SEPTIN9: variants seen among roughly 807,000 people sequenced by gnomAD.
SEPTIN9 encodes septin-9.
A neutral mutation model predicts 56.6 loss-of-function variants in SEPTIN9; 13 were observed. The ratio of observed to expected loss-of-function variants is 0.23; its 90% CI spans 0.15 to 0.37. The LOEUF is 0.37. SEPTIN9 is among the 10% of genes least tolerant of loss of function. SEPTIN9 has a pLI of 1.00. For missense variants in SEPTIN9, 650 were observed against 823.1 expected, an observed-to-expected ratio of 0.79 and a Z score of 2.57; for synonymous variants, 332 against 334.1, an observed-to-expected ratio of 0.99 and a Z score of 0.07.
intron 2 of SEPTIN9, among the ~76,000 whole-genome samples, chr17:77,366,988 C>G (rs2034590144): frequency 6.6e-6 from 1 of 152,212 alleles, no homozygotes; most frequent in Non-Finnish European, 1.5e-5. Flanking sequence ...ATGTTCTGCA[C>G]AAAGCAGGCT....
chr17:77,466,875 C>A (rs1568093467), intron 3 of SEPTIN9, among the ~76,000 whole-genome samples: 1 of 152,174 alleles, frequency 6.6e-6, no homozygotes, highest in African/African-American at 2.4e-5. Flanking sequence ...AGTGCACGCA[C>A]AGCACCGGTC....
At chr17:77,387,495 C>T (rs901820298) in intron 2 of SEPTIN9, among the ~76,000 whole-genome samples, 1 of 152,210 alleles carries the variant, frequency 6.6e-6, no homozygotes, top group Admixed American at 6.5e-5. Context: ...ACTATTCAGT[C>T]CACTGCGGCA....
chr17:77,297,321 C>T (rs1423378363), intron 1 of SEPTIN9, among the ~76,000 whole-genome samples: 2 of 152,180 alleles, frequency 1.3e-5, no homozygotes, highest in Non-Finnish European at 2.9e-5. Context: ...ATCCCACCTC[C>T]AGGAGAAAGA....
intron 2 of SEPTIN9, among the ~76,000 whole-genome samples, chr17:77,355,568 C>T (rs1307564141): frequency 1.3e-5 from 2 of 152,278 alleles, no homozygotes; most frequent in East Asian, 3.9e-4. Context: ...GCTGAATGTG[C>T]ATCAGATGCT....
chr17:77,378,305 C>T (rs913586795), intron 2 of SEPTIN9, among the ~76,000 whole-genome samples: 3 of 151,932 alleles, frequency 2.0e-5, no homozygotes, highest in Admixed American at 2.0e-4. Context: ...GTAGGGATGC[C>T]CAGGCCGCCC....
chr17:77,406,006 C>T (rs1022074128), intron 3 of SEPTIN9, among the ~76,000 whole-genome samples: 1 of 152,264 alleles, frequency 6.6e-6, no homozygotes, highest in Non-Finnish European at 1.5e-5. Flanking sequence ...AGCAGACGCC[C>T]AGCCCCTTGG....
chr17:77,499,761 C>T lies in SEPTIN9; in HGVS notation c.*1103C>T, dbSNP rs1014172619. ...CAGCCACCCCTGCCACTCACCCTTC[C>T]TGGCCCAGGCCTTGCTGACTCTCTG... On this transcript the variant is annotated 3_prime_UTR_variant, in exon 12 of 12. Transcript: ENST00000427177. 1 of 354,658 alleles carries T rather than the reference C, an allele frequency of 2.8e-6. No homozygotes were observed. The highest frequency in any genetic ancestry group is 2.1e-5 in the African/African-American group (1 of 48,618). The allele number at this position is 354,658 out of a possible 1,614,324, so 22.0% of individuals were successfully genotyped here. A position where few individuals can be genotyped will look rare whatever the true frequency, so the allele number is the denominator to read the frequency against.
Position 77,450,000 on chromosome 17 carries a change from C to A in SEPTIN9, c.722-32144C>A, listed in dbSNP as rs1170003537. Reference sequence around the variant, plus strand: ...CTCTGATCTGCCACCAGCCTCCCTCCCATTCAGATGGGAACAGGGACTCCG... The same window carrying A: ...CTCTGATCTGCCACCAGCCTCCCTCACATTCAGATGGGAACAGGGACTCCG... On this transcript the variant is annotated intron_variant, in intron 3 of 11. Coordinates refer to ENST00000427177, the MANE Select transcript of SEPTIN9 (RefSeq NM_001113491.2). The surrounding 1 kb of genome is among the most constrained non-coding windows in gnomAD (Gnocchi z 4.6). Among the ~76,000 whole-genome samples the A allele has an allele frequency of 6.6e-6, 1 of 152,162 alleles. No individual in the cohort carries two copies. The highest frequency in any genetic ancestry group is 2.4e-5 in the African/African-American group (1 of 41,450).
At chr17:77,495,194 C>G (rs1413532458) in intron 10 of SEPTIN9, among the ~76,000 whole-genome samples, 1 of 152,170 alleles carries the variant, frequency 6.6e-6, no homozygotes, top group Non-Finnish European at 1.5e-5. Flanking sequence ...GAGAGGTCCC[C>G]GCACCTCTCT....
At chr17:77,479,409 G>A (rs1431328165) in intron 3 of SEPTIN9, among the ~76,000 whole-genome samples, 1 of 152,230 alleles carries the variant, frequency 6.6e-6, no homozygotes, top group Non-Finnish European at 1.5e-5. Flanking sequence ...AGCGAGGCGG[G>A]CTCTTGCATT....
At chr17:77,468,477 GT>G (rs1447077779) in intron 3 of SEPTIN9, among the ~76,000 whole-genome samples, 3 of 152,180 alleles carry the variant, frequency 2.0e-5, no homozygotes, top group Non-Finnish European at 4.4e-5. Context: ...AGGGGCGTGT[GT>G]TTTGTTAACA....
rs1277979361 is a variant in SEPTIN9 at position 77,319,666 on chromosome 17, C to CT, written c.76+12470dup. On this transcript the variant is annotated intron_variant, in intron 2 of 11. Coordinates refer to ENST00000427177, the MANE Select transcript of SEPTIN9 (RefSeq NM_001113491.2). This position sits in a 1 kb window ranked among gnomAD's most constrained non-coding sequence, Gnocchi z 5.3. ...CGTTGGGGTACAGGGTGAAGAAGGG[C>CT]TGGGGCCAGCCCAGGACAGAGGAAG... 1.5e-5 allele frequency: 16 copies of CT among 1,063,648 alleles called. No individual in the cohort carries two copies. The highest frequency in any genetic ancestry group is 1.7e-5 in the Non-Finnish European group (15 of 878,392). The allele number at this position is 1,063,648 out of a possible 1,614,324, so 65.9% of individuals were successfully genotyped here. A position where few individuals can be genotyped will look rare whatever the true frequency, so the allele number is the denominator to read the frequency against.
chr17:77,282,954 T>C (rs2031099949), intron 1 of SEPTIN9, among the ~76,000 whole-genome samples: 1 of 152,144 alleles, frequency 6.6e-6, no homozygotes, highest in Non-Finnish European at 1.5e-5. Flanking sequence ...CTCCCACTGG[T>C]GGGTCCAGAC....
chr17:77,416,848 G>A (rs2036525521), intron 3 of SEPTIN9, among the ~76,000 whole-genome samples: 1 of 152,166 alleles, frequency 6.6e-6, no homozygotes. Flanking sequence ...TAAGATGCGG[G>A]ATCCCAACCT....
In SEPTIN9 at chr17:77,488,259, C is replaced by A. The variant is rs1304185686; in HGVS notation, c.1062C>A (p.Val354=). The A allele has an allele frequency of 1.2e-6, 2 of 1,613,792 alleles. No individual in the cohort carries two copies. Among genetic ancestry groups the A allele is most frequent in the Admixed American group, 3.3e-5 (2 of 60,024 alleles). ...GTGCAGATATTGAGGAGAAAGGCGT[C>A]CGGATGAAGCTGACAGTGATTGACA... ...SITHDIEEKG[V]RMKLTVIDTP... is the part of the protein sequence containing the mutation. The change falls in exon 6 of 12, where the codon GTC becomes GTA. Residue 354 remains valine, a synonymous_variant. Coordinates refer to ENST00000427177, the MANE Select transcript of SEPTIN9 (RefSeq NM_001113491.2).
chr17:77,497,282 G>C (rs2040310857), intron 10 of SEPTIN9, 33 bp from the exon 11 acceptor site: 17 of 1,606,024 alleles, frequency 1.1e-5, no homozygotes, highest in Non-Finnish European at 1.4e-5. Flanking sequence ...TTCTCCACTG[G>C]GACATTAAAG....
intron 2 of SEPTIN9, among the ~76,000 whole-genome samples, chr17:77,320,832 T>C (rs1183443373): frequency 6.6e-6 from 1 of 152,198 alleles, no homozygotes; most frequent in Non-Finnish European, 1.5e-5. Flanking sequence ...GGCAGTTGAT[T>C]ATAGAGGGGG....
chr17:77,498,228 G>GCCCTGGA lies in SEPTIN9; in HGVS notation c.1626-291_1626-285dup, dbSNP rs946812224. Among the ~76,000 whole-genome samples the GCCCTGGA allele has an allele frequency of 7.9e-5, 12 of 152,060 alleles. No homozygotes were observed. In the East Asian group the frequency reaches 2.3e-3, roughly 30 times the overall value. On this transcript the variant is annotated intron_variant, in intron 11 of 11. Coordinates refer to ENST00000427177, the MANE Select transcript of SEPTIN9 (RefSeq NM_001113491.2). ...CTCTGAGTCTATGCACTGTCCCTGG[G>GCCCTGGA]CCCTGGACCCAGGGCCATAGGGTGG... is the stretch of plus-strand genomic sequence containing the variant.
intron 1 of SEPTIN9, among the ~76,000 whole-genome samples, chr17:77,291,984 C>T (rs925620405): frequency 8.2e-4 from 125 of 152,198 alleles, no homozygotes; most frequent in African/African-American, 2.7e-3. Flanking sequence ...CCTGCGAAGG[C>T]CCAGGGCTTC....
Sources: gnomAD v4.1 joint callset for allele counts (sites outside exome capture counted in the v4.1 genomes callset) on GRCh38, gnomAD v4.1.1 for gene constraint, Gnocchi (gnomAD v3.1) non-coding constraint, MANE v1.5 for transcripts, NCBI Gene and HGNC (gene_info 2026-07-23, HGNC 2026-07-21) for gene names.